The following CIB2 variants were observed in gnomAD, a reference collection of about 807,000 sequenced individuals.
CIB2 encodes calcium and integrin binding family member 2.
Under a neutral mutation model 23.1 loss-of-function variants are expected in CIB2, and 19 were observed. The ratio of observed to expected loss-of-function variants is 0.82; its 90% CI spans 0.57 to 1.21. The LOEUF (loss-of-function observed/expected upper bound fraction) is 1.21. Among genes scored for constraint, CIB2 ranks in the 50% most tolerant of loss-of-function variants. The pLI is 0.00. For missense variants in CIB2, 220 were observed against 241.5 expected (o/e 0.91, Z 0.59); for synonymous variants, 94 against 91.7 (o/e 1.03, Z -0.14).
At position 78,114,415 on chromosome 15, in the gene CIB2, A is replaced by G. The variant is rs114187051; in HGVS notation, c.87-3139T>C. On this transcript the variant is annotated intron_variant, in intron 2 of 5. Transcript: ENST00000258930. ...CCACATCTCTGTCACCTCTCCCCCA[A>G]TAAAGGGCACTGAATTCAAGAAGAG... is the stretch of plus-strand genomic sequence containing the variant. Among the ~76,000 whole-genome samples, 284 of 152,332 alleles carry G rather than the reference A, an allele frequency of 1.9e-3. 1 individual carries two copies. Among genetic ancestry groups the G allele is most frequent in the African/African-American group, 6.5e-3 (269 of 41,570 alleles).
chr15:78,123,871 C>A, intron 1 of CIB2, 132 bp from the exon 2 acceptor site: 1 of 1,005,160 alleles, frequency 9.9e-7, no homozygotes, highest in South Asian at 1.3e-5. Context: ...CTATCCCTTT[C>A]CACCTTGCCC....
chr15:78,114,186 G>A (rs1474444961), intron 2 of CIB2, among the ~76,000 whole-genome samples: 1 of 152,228 alleles, frequency 6.6e-6, no homozygotes, highest in African/African-American at 2.4e-5. Context: ...CCCTGGAAGG[G>A]GTGGACTAGG....
rs982309212 is a variant in CIB2 at position 78,105,143 on chromosome 15, G to T, written c.*168C>A. 2.2e-6 allele frequency: 2 copies of T among 917,408 alleles called. No homozygotes were observed. Among genetic ancestry groups the T allele is most frequent in the Non-Finnish European group, 1.6e-6 (1 of 613,174 alleles). The allele number at this position is 917,408 out of a possible 1,614,324, so 56.8% of individuals were successfully genotyped here. A position where few individuals can be genotyped will look rare whatever the true frequency, so the allele number is the denominator to read the frequency against. Reference sequence around the variant, plus strand: ...GTGGGAAGGGTCCTAACCTTCACAGGCCCCCTTCCTGGTTAAGGTTTTTTT... The same window carrying T: ...GTGGGAAGGGTCCTAACCTTCACAGTCCCCCTTCCTGGTTAAGGTTTTTTT... On this transcript the variant is annotated 3_prime_UTR_variant, in exon 6 of 6. Coordinates refer to ENST00000258930, the MANE Select transcript of CIB2 (RefSeq NM_006383.4).
chr15:78,115,080 G>C, intron 2 of CIB2, among the ~76,000 whole-genome samples: 1 of 152,136 alleles, frequency 6.6e-6, no homozygotes, highest in East Asian at 1.9e-4. Flanking sequence ...CAATTTGATA[G>C]ATGCATTTAT....
chr15:78,129,832 C>T (rs1452733244), intron 1 of CIB2, among the ~76,000 whole-genome samples: 1 of 152,224 alleles, frequency 6.6e-6, no homozygotes, highest in African/African-American at 2.4e-5. Context: ...TCTGTTTACA[C>T]GTCTGTAAAA....
In CIB2 at chr15:78,109,124, C is replaced by T. The variant is rs2074113774; in HGVS notation, c.346+111G>A. ...AGGCACTCTTCAGAGGACAGATCAG[C>T]TTCACTGTTCTTGGTGTCCCTAGGG... On this transcript the variant is annotated intron_variant, in intron 4 of 5. Transcript: ENST00000258930. The T allele has an allele frequency of 1.5e-5, 19 of 1,246,514 alleles. No homozygotes were observed. The South Asian group carries it at 2.3e-4, about 15-fold the overall frequency. The allele number at this position is 1,246,514 out of a possible 1,614,324, so 77.2% of individuals were successfully genotyped here.
At chr15:78,106,020 C>A (rs1426071919) in intron 4 of CIB2, 86 bp from the exon 5 acceptor site, 2 of 1,025,576 alleles carry the variant, frequency 2.0e-6, no homozygotes, top group East Asian at 2.4e-5. Context: ...CTAGCTGGCC[C>A]CACTACCTCC....
intron 3 of CIB2, chr15:78,110,511 C>A (rs2074141214): frequency 5.2e-6 from 2 of 386,824 alleles, no homozygotes; most frequent in Non-Finnish European, 1.0e-5. Context: ...TGGCAAGGGG[C>A]TACTGACGAA....
intron 1 of CIB2, among the ~76,000 whole-genome samples, chr15:78,125,790 T>C (rs1278653605): frequency 2.0e-5 from 3 of 152,162 alleles, no homozygotes; most frequent in Non-Finnish European, 4.4e-5. Flanking sequence ...CTGTTTAGGA[T>C]ACCTGTGTCC....
chr15:78,117,712 G>A (rs2074259914), intron 2 of CIB2, among the ~76,000 whole-genome samples: 1 of 152,214 alleles, frequency 6.6e-6, no homozygotes, highest in Non-Finnish European at 1.5e-5. Context: ...GGGCTAAGGA[G>A]CAGCTATTTC....
At chr15:78,105,616 T>A in intron 5 of CIB2, 123 bp downstream of exon 5, 1 of 1,561,774 alleles carries the variant, frequency 6.4e-7, no homozygotes, top group Non-Finnish European at 8.6e-7. Flanking sequence ...GGCTTGAACG[T>A]GACCTCCTGC....
intron 2 of CIB2, among the ~76,000 whole-genome samples, chr15:78,113,095 A>C (rs2074184565): frequency 6.6e-6 from 1 of 152,192 alleles, no homozygotes; most frequent in Admixed American, 6.5e-5. Flanking sequence ...CATCCTACAC[A>C]GCCAATGAGC....
rs765344309 is a variant in CIB2, at chr15:78,113,517, C to CTTCTTTCTTTCT, written c.87-2253_87-2242dup. Among the ~76,000 whole-genome samples, 366 of 145,120 alleles carry CTTCTTTCTTTCT rather than the reference C, an allele frequency of 2.5e-3. 1 individual carries two copies. The highest frequency in any genetic ancestry group is 0.017 in the Middle Eastern group (5 of 286). Reference sequence around the variant, plus strand: ...ACCACTTGTTTCAAAATTCATGCATCTTCTTTCTTTCTTTCTTTCTTTTTT... The same window carrying CTTCTTTCTTTCT: ...ACCACTTGTTTCAAAATTCATGCATCTTCTTTCTTTCTTTCTTTCTTTCTTTCTTTCTTTTTT... On this transcript the variant is annotated intron_variant, in intron 2 of 5. Transcript: ENST00000258930.
chr15:78,118,513 C>T (rs541706098), intron 2 of CIB2, among the ~76,000 whole-genome samples: 150 of 149,076 alleles, frequency 1.0e-3, no homozygotes, highest in African/African-American at 3.7e-3. Flanking sequence ...TGCTTGAACC[C>T]AGGAGGCAGA....
In CIB2 at chr15:78,131,123, G is replaced by T; in HGVS notation, c.51+42C>A. ...GACCGAGAAAAGGGAGGGGCGGCGG[G>T]GCGGCGGGGCCTGTGTTGGGGGCCG... On this transcript the variant is annotated intron_variant, in intron 1 of 5. Coordinates refer to ENST00000258930, the MANE Select transcript of CIB2 (RefSeq NM_006383.4). The surrounding 1 kb of genome is among the most constrained non-coding windows in gnomAD (Gnocchi z 5.8). 6.5e-7 allele frequency: 1 copy of T among 1,532,046 alleles called. No individual in the cohort carries two copies. The highest frequency in any genetic ancestry group is 2.4e-5 in the East Asian group (1 of 41,626). The allele number at this position is 1,532,046 out of a possible 1,614,324, so 94.9% of individuals were successfully genotyped here. A position where few individuals can be genotyped will look rare whatever the true frequency, so the allele number is the denominator to read the frequency against.
rs536584482 is a variant in CIB2, at chr15:78,124,928, C to T, written c.52-1189G>A. 7.5e-4 allele frequency among the ~76,000 whole-genome samples: 114 copies of T among 152,338 alleles called. 1 individual carries two copies. The highest frequency in any genetic ancestry group is 2.7e-3 in the African/African-American group (111 of 41,562). ...ATGCACACAACATCTGGGGTTTCCACTGGGTGCCTTCGGGAGAGCTGAAAA... is the reference window on the plus strand; with the variant it reads ...ATGCACACAACATCTGGGGTTTCCATTGGGTGCCTTCGGGAGAGCTGAAAA... On this transcript the variant is annotated intron_variant, in intron 1 of 5. Coordinates refer to ENST00000258930, the MANE Select transcript of CIB2 (RefSeq NM_006383.4).
chr15:78,107,554 G>A (rs1231237727), intron 4 of CIB2, among the ~76,000 whole-genome samples: 1 of 152,192 alleles, frequency 6.6e-6, no homozygotes, highest in East Asian at 1.9e-4. Flanking sequence ...CGCCAGACTA[G>A]GAGGGCCCTG....
chr15:78,114,692 G>A (rs2074211373), intron 2 of CIB2, among the ~76,000 whole-genome samples: 1 of 151,690 alleles, frequency 6.6e-6, no homozygotes, highest in South Asian at 2.1e-4. Context: ...ATCTAAATGT[G>A]CTTTGGGAGG....
intron 1 of CIB2, 61 bp from the exon 2 acceptor site, chr15:78,123,800 A>T: frequency 6.3e-7 from 1 of 1,588,620 alleles, no homozygotes; most frequent in African/African-American, 1.3e-5. Flanking sequence ...TCTTCCTCAG[A>T]GGCCTCGATG....
Sources: allele counts gnomAD v4.1 joint callset (sites outside exome capture counted in the v4.1 genomes callset), GRCh38; gene constraint gnomAD v4.1.1; non-coding constraint Gnocchi (gnomAD v3.1); transcripts MANE v1.5; gene names NCBI Gene and HGNC (gene_info 2026-07-23, HGNC 2026-07-21).